TRAF3: variants seen among roughly 807,000 people sequenced by gnomAD.
The protein encoded by TRAF3 is TNF receptor-associated factor 3.
Under a neutral mutation model 62.3 loss-of-function variants are expected in TRAF3, and 13 were observed. The ratio of observed to expected loss-of-function variants is 0.21; its 90% confidence interval spans 0.14 to 0.33. The LOEUF is 0.33. TRAF3 is among the 10% of genes least tolerant of loss of function. TRAF3 has a pLI of 1.00. For synonymous variants in TRAF3, 269 were observed against 283.4 expected (o/e 0.95, Z 0.51); for missense variants, 440 against 741.8 (o/e 0.59, Z 4.73).
chr14:102,831,783 A>C (rs950352743), intron 2 of TRAF3, among the ~76,000 whole-genome samples: 1 of 152,198 alleles, frequency 6.6e-6, no homozygotes, highest in Non-Finnish European at 1.5e-5. Context: ...AGAATATCTA[A>C]TAGTGCTGGG....
At chr14:102,900,848 T>C (rs975693388) in intron 10 of TRAF3, among the ~76,000 whole-genome samples, 1 of 152,240 alleles carries the variant, frequency 6.6e-6, no homozygotes, top group Non-Finnish European at 1.5e-5. Flanking sequence ...TGGAGTGCAG[T>C]CTGTCTCTTC....
At chr14:102,879,178 C>G (rs1193117617) in intron 6 of TRAF3, among the ~76,000 whole-genome samples, 2 of 152,060 alleles carry the variant, frequency 1.3e-5, no homozygotes, top group Non-Finnish European at 2.9e-5. Context: ...TGCCTAGAGG[C>G]TGGGGTGGGC....
intron 1 of TRAF3, among the ~76,000 whole-genome samples, chr14:102,792,432 ATTTTTT>A (rs35496572): frequency 8.1e-6 from 1 of 122,744 alleles, no homozygotes; most frequent in African/African-American, 3.3e-5. Flanking sequence ...CAGTTAATTG[ATTTTTT>A]TTTTTTTTTT....
chr14:102,896,537 G>A (rs1232081111), intron 9 of TRAF3, among the ~76,000 whole-genome samples: 1 of 152,144 alleles, frequency 6.6e-6, no homozygotes, highest in Non-Finnish European at 1.5e-5. Context: ...TATGACATCT[G>A]TTTTCAGGGA....
chr14:102,886,239 G>T lies in TRAF3; in HGVS notation c.621G>T (p.Lys207Asn), dbSNP rs770725752. ...CPCVVVSCPH[K>N]CSVQTLLRSE... Reference sequence around the variant, plus strand: ...GCGTGGTGGTGTCCTGCCCTCACAAGTGCAGCGTCCAGACTCTCCTGAGGA... The same window carrying T: ...GCGTGGTGGTGTCCTGCCCTCACAATTGCAGCGTCCAGACTCTCCTGAGGA... The change falls in exon 7 of 12, where the codon AAG (lysine) becomes AAT (asparagine). Residue 207 changes from lysine to asparagine, a missense_variant. Lys to Asn is a moderately conservative substitution (Grantham distance 94). This residue lies in a region of TRAF3 where 255 missense variants were observed against 424.1 expected (regional missense o/e 0.60). Coordinates refer to ENST00000392745, the MANE Select transcript of TRAF3 (RefSeq NM_145725.3). 1.2e-6 allele frequency: 2 copies of T among 1,612,540 alleles called. No individual in the cohort carries two copies. Among genetic ancestry groups the T allele is most frequent in the East Asian group, 2.2e-5 (1 of 44,830 alleles).
At chr14:102,784,808 C>T (rs1485647044) in intron 1 of TRAF3, among the ~76,000 whole-genome samples, 1 of 152,138 alleles carries the variant, frequency 6.6e-6, no homozygotes, top group African/African-American at 2.4e-5. Flanking sequence ...GGAGGCGTTT[C>T]CCAAGGAGGT....
At chr14:102,786,156 G>A (rs1897492968) in intron 1 of TRAF3, among the ~76,000 whole-genome samples, 1 of 152,170 alleles carries the variant, frequency 6.6e-6, no homozygotes, top group African/African-American at 2.4e-5. Context: ...TAACTATGCT[G>A]TTAAATTACT....
intron 2 of TRAF3, among the ~76,000 whole-genome samples, chr14:102,852,465 G>A (rs1482430910): frequency 2.6e-5 from 4 of 152,170 alleles, no homozygotes; most frequent in Admixed American, 2.6e-4. Context: ...AGTGTGGTCC[G>A]TGTGTGAGGC....
intron 10 of TRAF3, among the ~76,000 whole-genome samples, chr14:102,899,055 G>T (rs909874052): frequency 2.0e-5 from 3 of 152,110 alleles, no homozygotes; most frequent in Non-Finnish European, 4.4e-5. Context: ...GGCTGCCCGC[G>T]CCTGATTCCC....
chr14:102,844,089 G>T (rs1187380265), intron 2 of TRAF3, among the ~76,000 whole-genome samples: 2 of 152,206 alleles, frequency 1.3e-5, no homozygotes, highest in Non-Finnish European at 2.9e-5. Context: ...AAAATGTTTA[G>T]ATTTAAACAA....
At chr14:102,818,559 A>C (rs1292120808) in intron 1 of TRAF3, among the ~76,000 whole-genome samples, 1 of 152,164 alleles carries the variant, frequency 6.6e-6, no homozygotes, top group Non-Finnish European at 1.5e-5. Flanking sequence ...TTCACACTTA[A>C]TCAAATCCTA....
chr14:102,846,583 A>G (rs186871188), intron 2 of TRAF3, among the ~76,000 whole-genome samples: 3 of 143,716 alleles, frequency 2.1e-5, no homozygotes, highest in East Asian at 4.3e-4. Context: ...TGGGAGGATC[A>G]CTTGAGCCCA....
intron 6 of TRAF3, 66 bp downstream of exon 6, chr14:102,876,591 C>CTTT: frequency 6.3e-7 from 1 of 1,574,924 alleles, no homozygotes; most frequent in Admixed American, 1.8e-5. Flanking sequence ...ACAGGCCTTC[C>CTTT]GCTCAATTCG....
chr14:102,867,063 G>A (rs933135522), intron 2 of TRAF3, among the ~76,000 whole-genome samples: 1 of 152,206 alleles, frequency 6.6e-6, no homozygotes, highest in Non-Finnish European at 1.5e-5. Flanking sequence ...TGGTGAGAGT[G>A]TGGTTTCATA....
In TRAF3 at chr14:102,891,269, C is replaced by T. The variant is rs543415634; in HGVS notation, c.727-56C>T. 2.6e-6 allele frequency: 4 copies of T among 1,529,590 alleles called. No individual in the cohort carries two copies. The South Asian group carries it at 4.6e-5, about 18-fold the overall frequency. 94.8% of individuals were successfully genotyped at this position (1,529,590 alleles called of 1,614,324 possible). A position where few individuals can be genotyped will look rare whatever the true frequency, so the allele number is the denominator to read the frequency against. The stretch of plus-strand genomic sequence containing the variant: ...CTTTTAGGGTCGTATGTTAGCCGTT[C>T]TGCCCTTTGAAATGCAGCGAGGTTC... On this transcript the variant is annotated intron_variant, in intron 8 of 11. Transcript: ENST00000392745.
intron 1 of TRAF3, among the ~76,000 whole-genome samples, chr14:102,818,400 C>T (rs189948418): frequency 3.9e-5 from 6 of 152,250 alleles, no homozygotes; most frequent in East Asian, 1.9e-4. Flanking sequence ...GATTCACCCA[C>T]GGAAGTTACT....
intron 6 of TRAF3, among the ~76,000 whole-genome samples, chr14:102,879,579 A>C (rs996969607): frequency 2.0e-5 from 3 of 151,814 alleles, no homozygotes; most frequent in Non-Finnish European, 4.4e-5. Flanking sequence ...AATGACCAAA[A>C]TTTAGGGAGA....
chr14:102,894,568 C>G (rs2139961228), intron 9 of TRAF3, among the ~76,000 whole-genome samples: 2 of 152,232 alleles, frequency 1.3e-5, no homozygotes, highest in Middle Eastern at 6.8e-3. Context: ...TATGGCATCT[C>G]CCTGCTAGAA....
At chr14:102,880,730 T>A (rs940673325) in intron 6 of TRAF3, among the ~76,000 whole-genome samples, 2 of 152,240 alleles carry the variant, frequency 1.3e-5, no homozygotes, top group African/African-American at 4.8e-5. Flanking sequence ...AGTGATAGAC[T>A]GGATAAAGAA....
Sources: gnomAD v4.1 joint callset for allele counts (sites outside exome capture counted in the v4.1 genomes callset) on GRCh38, gnomAD v4.1.1 for gene constraint, gnomAD v4.1.1 regional missense constraint, MANE v1.5 for transcripts, NCBI Gene and HGNC (gene_info 2026-07-23, HGNC 2026-07-21) for gene names.